SV2C: variants seen among roughly 807,000 people sequenced by gnomAD.
SV2C encodes the protein solute carrier family 22 member B3.
Under a neutral mutation model 79.7 loss-of-function variants are expected in SV2C, and 49 were observed. The ratio of observed to expected loss-of-function variants is 0.61; its 90% CI spans 0.49 to 0.78. The LOEUF (loss-of-function observed/expected upper bound fraction) is 0.78. SV2C is among the 30% of genes least tolerant of loss of function. The probability of loss-of-function intolerance (pLI) is 0.00; values close to 1 mark genes in which losing one functional copy is unlikely to be tolerated. For synonymous variants in SV2C, 334 were observed against 333.2 expected (o/e 1.00, Z -0.03); for missense variants, 833 against 912.9 (o/e 0.91, Z 1.13).
chr5:76,259,485 G>A (rs1711612069), intron 4 of SV2C, among the ~76,000 whole-genome samples: 1 of 152,080 alleles, frequency 6.6e-6, no homozygotes, highest in Admixed American at 6.6e-5. Context: ...TGAACATGCA[G>A]GTTTGTTACA....
intron 4 of SV2C, among the ~76,000 whole-genome samples, chr5:76,284,007 A>T (rs1489793693): frequency 6.6e-6 from 1 of 152,232 alleles, no homozygotes; most frequent in Admixed American, 6.5e-5. Context: ...ACAAAAAGGC[A>T]TATAAATACC....
At chr5:75,945,768 G>A in the SV2C span, among the ~76,000 whole-genome samples, 32 of 151,810 alleles carry the variant, frequency 2.1e-4, no homozygotes, top group South Asian at 2.5e-3. Context: ...AACCAATAAC[G>A]GAAAGATACC....
At chr5:75,890,018 A>G in the SV2C span, among the ~76,000 whole-genome samples, 3 of 152,158 alleles carry the variant, frequency 2.0e-5, no homozygotes, top group African/African-American at 4.8e-5. Flanking sequence ...CGTGACCAAG[A>G]TAATACAATT....
intron 2 of SV2C, among the ~76,000 whole-genome samples, chr5:76,148,107 A>T (rs150320787): frequency 1.3e-5 from 2 of 152,198 alleles, no homozygotes; most frequent in Non-Finnish European, 1.5e-5. Context: ...TGGTTTTACA[A>T]CCGGGCTTTG....
chr5:75,937,421 C>A, the SV2C span, among the ~76,000 whole-genome samples: 1 of 152,150 alleles, frequency 6.6e-6, no homozygotes, highest in Non-Finnish European at 1.5e-5. Flanking sequence ...CGAGCCCTGG[C>A]TGGGCACAGT....
At chr5:75,906,433 CTT>C in the SV2C span, among the ~76,000 whole-genome samples, 6 of 137,124 alleles carry the variant, frequency 4.4e-5, no homozygotes, top group Admixed American at 7.3e-5. Context: ...TTCATGTCTG[CTT>C]TTTTTTTTTT....
intron 12 of SV2C, among the ~76,000 whole-genome samples, chr5:76,312,542 C>T (rs1045577148): frequency 2.6e-5 from 4 of 152,176 alleles, no homozygotes; most frequent in East Asian, 1.9e-4. Flanking sequence ...CATGAGCCAG[C>T]GTGCCCAGCC....
At chr5:76,218,662 C>T (rs1038272669) in intron 4 of SV2C, among the ~76,000 whole-genome samples, 11 of 152,126 alleles carry the variant, frequency 7.2e-5, no homozygotes, top group African/African-American at 2.7e-4. Flanking sequence ...GGGCTTTAAA[C>T]CTAGATGATG....
At chr5:76,077,050 T>C in the SV2C span, among the ~76,000 whole-genome samples, 2 of 152,228 alleles carry the variant, frequency 1.3e-5, no homozygotes, top group Non-Finnish European at 2.9e-5. Flanking sequence ...ATTAGAATTT[T>C]ACCATTTAGC....
the SV2C span, among the ~76,000 whole-genome samples, chr5:75,988,488 G>A: frequency 6.6e-6 from 1 of 151,972 alleles, no homozygotes; most frequent in Non-Finnish European, 1.5e-5. Flanking sequence ...AATCTGAACT[G>A]TCAAGTGTTG....
the SV2C span, among the ~76,000 whole-genome samples, chr5:75,868,590 C>G: frequency 6.6e-6 from 1 of 152,194 alleles, no homozygotes; most frequent in Non-Finnish European, 1.5e-5. Flanking sequence ...AGTAAACTAA[C>G]TAAGAAAACC....
upstream of SV2C, among the ~76,000 whole-genome samples, chr5:76,082,635 C>T (rs1038626347): frequency 1.6e-4 from 4 of 25,596 alleles, no homozygotes; most frequent in Admixed American, 5.5e-4. Context: ...TCTCTCTCCA[C>T]CCCCCCCCCC....
the SV2C span, among the ~76,000 whole-genome samples, chr5:76,010,270 T>C: frequency 6.6e-6 from 1 of 152,126 alleles, no homozygotes. Flanking sequence ...GGAGCCCAGC[T>C]GTGGGCTCAA....
chr5:76,132,169 T>C lies in SV2C; in HGVS notation c.419T>C (p.Leu140Pro). 1 of 1,614,174 alleles carries C rather than the reference T, an allele frequency of 6.2e-7. No homozygotes were observed. Among genetic ancestry groups the C allele is most frequent in the Non-Finnish European group, 8.5e-7 (1 of 1,180,028 alleles). Residue 140 changes from leucine to proline, a missense_variant, in exon 2 of 13, where the codon CTG becomes CCG. Transcript: ENST00000502798. ...DEEELAQQYE[L>P]IIQECGHGRF... Reference sequence around the variant, plus strand: ...GAAGAGTTAGCCCAGCAGTATGAGCTGATAATCCAAGAATGCGGTCATGGT... The same window carrying C: ...GAAGAGTTAGCCCAGCAGTATGAGCCGATAATCCAAGAATGCGGTCATGGT...
intron 3 of SV2C, among the ~76,000 whole-genome samples, chr5:76,204,882 G>A (rs191196175): frequency 1.1e-3 from 169 of 152,254 alleles, no homozygotes; most frequent in Admixed American, 1.8e-3. Context: ...TCACAGTCAG[G>A]CTTCCCAGTT....
the SV2C span, among the ~76,000 whole-genome samples, chr5:75,956,877 A>T: frequency 1.3e-5 from 2 of 151,934 alleles, no homozygotes; most frequent in Non-Finnish European, 2.9e-5. Context: ...CACATAAGGT[A>T]GCTGTCTCTC....
At chr5:75,969,627 C>T in the SV2C span, among the ~76,000 whole-genome samples, 1 of 152,172 alleles carries the variant, frequency 6.6e-6, no homozygotes, top group African/African-American at 2.4e-5. Context: ...AACTAACTAT[C>T]CTAAATATAT....
At chr5:76,065,660 T>C in the SV2C span, among the ~76,000 whole-genome samples, 1 of 152,172 alleles carries the variant, frequency 6.6e-6, no homozygotes, top group South Asian at 2.1e-4. Flanking sequence ...TACACATCAA[T>C]TTTTACACTC....
Position 76,325,525 on chromosome 5 carries a change from C to CACGA in SV2C, c.2165_2168dup (p.Gln724AsnfsTer122). 6.2e-7 allele frequency: 1 copy of CACGA among 1,614,108 alleles called. No homozygotes were observed. Among genetic ancestry groups the CACGA allele is most frequent in the Non-Finnish European group, 8.5e-7 (1 of 1,180,012 alleles). On this transcript the variant is annotated frameshift_variant, in exon 13 of 13. Transcript: ENST00000502798. LOFTEE classifies it high-confidence loss of function. ...CTCGTTGGGCTGTGCCTGCCTGACA[C>CACGA]ACGAACCCAGGTTCTGATGTAATGG...
Sources: gnomAD v4.1 joint callset for allele counts (sites outside exome capture counted in the v4.1 genomes callset) on GRCh38, gnomAD v4.1.1 for gene constraint, MANE v1.5 for transcripts, NCBI Gene and HGNC (gene_info 2026-07-23, HGNC 2026-07-21) for gene names.